Variants in ARB2A observed in about 807,000 individuals in gnomAD.
ARB2A encodes the protein ARB2 cotranscriptional regulator A, also known as cotranscriptional regulator ARB2A.
At chr5:94,019,744 C>G in the ARB2A span, among the ~76,000 whole-genome samples, 1 of 152,136 alleles carries the variant, frequency 6.6e-6, no homozygotes. Flanking sequence ...GGATCTAGAA[C>G]CAGAAATACC....
chr5:94,087,404 C>T, the ARB2A span, among the ~76,000 whole-genome samples: 2 of 151,428 alleles, frequency 1.3e-5, no homozygotes. Flanking sequence ...AATCCCATCT[C>T]TTAAAAAAAA....
the ARB2A span, chr5:93,621,205 G>A: frequency 7.2e-7 from 1 of 1,389,116 alleles, no homozygotes. Flanking sequence ...GGGCCAGGCC[G>A]AGCCCCGGCT....
chr5:93,780,854 TG>T, the ARB2A span, among the ~76,000 whole-genome samples: 30 of 152,274 alleles, frequency 2.0e-4, no homozygotes, highest in African/African-American at 7.2e-4. Context: ...CCACCACGCC[TG>T]GCCTGACCTT....
chr5:94,083,342 T>C, the ARB2A span, among the ~76,000 whole-genome samples: 1 of 152,176 alleles, frequency 6.6e-6, no homozygotes, highest in Non-Finnish European at 1.5e-5. Context: ...AATCCTCCTA[T>C]GTAGTAAACC....
At chr5:93,652,498 C>A in the ARB2A span, among the ~76,000 whole-genome samples, 1 of 152,136 alleles carries the variant, frequency 6.6e-6, no homozygotes, top group Admixed American at 6.5e-5. Context: ...ATTAGAGAAT[C>A]TTTAGGAAAT....
chr5:93,841,401 C>T, the ARB2A span, among the ~76,000 whole-genome samples: 7 of 151,946 alleles, frequency 4.6e-5, no homozygotes, highest in African/African-American at 7.2e-5. Flanking sequence ...TAAAGTAATC[C>T]AGAGATGATT....
At chr5:93,703,822 A>C in the ARB2A span, among the ~76,000 whole-genome samples, 1 of 152,116 alleles carries the variant, frequency 6.6e-6, no homozygotes, top group Non-Finnish European at 1.5e-5. Flanking sequence ...CAGTACCCTA[A>C]TATTCTCACA....
the ARB2A span, among the ~76,000 whole-genome samples, chr5:93,638,046 T>C: frequency 1.3e-5 from 2 of 152,214 alleles, no homozygotes; most frequent in African/African-American, 2.4e-5. Flanking sequence ...TCTCAAACAT[T>C]GTTGCTGGAA....
chr5:93,727,053 A>G, the ARB2A span, among the ~76,000 whole-genome samples: 6 of 152,010 alleles, frequency 3.9e-5, no homozygotes, highest in Non-Finnish European at 7.4e-5. Context: ...TCTCCTGATT[A>G]TGTTTTTCCT....
At chr5:94,041,318 A>T in the ARB2A span, among the ~76,000 whole-genome samples, 1 of 151,972 alleles carries the variant, frequency 6.6e-6, no homozygotes, top group Non-Finnish European at 1.5e-5. Flanking sequence ...ACTTTTCAAG[A>T]CGGCCCAGCA....
chr5:93,997,848 A>G, the ARB2A span, among the ~76,000 whole-genome samples: 1 of 151,972 alleles, frequency 6.6e-6, no homozygotes, highest in Non-Finnish European at 1.5e-5. Context: ...ATACTGCTAT[A>G]TTGACCCTCA....
At chr5:94,059,847 A>G in the ARB2A span, among the ~76,000 whole-genome samples, 7 of 152,068 alleles carry the variant, frequency 4.6e-5, no homozygotes, top group Non-Finnish European at 1.0e-4. Context: ...AAGCTGAAAT[A>G]ATTTATCACC....
the ARB2A span, among the ~76,000 whole-genome samples, chr5:93,979,234 A>T: frequency 6.6e-6 from 1 of 152,160 alleles, no homozygotes; most frequent in Non-Finnish European, 1.5e-5. Flanking sequence ...AGGAGATTTC[A>T]GCTTTGAGCA....
At chr5:93,740,925 T>C in the ARB2A span, 1 of 1,613,922 alleles carries the variant, frequency 6.2e-7, no homozygotes, top group South Asian at 1.1e-5. Context: ...TGCTTGCCCG[T>C]CTCCACTTCC....
the ARB2A span, among the ~76,000 whole-genome samples, chr5:93,888,094 C>A: frequency 6.6e-6 from 1 of 151,848 alleles, no homozygotes. Context: ...CATATTATCA[C>A]CCACTCCATT....
the ARB2A span, among the ~76,000 whole-genome samples, chr5:93,791,131 C>T: frequency 3.3e-5 from 5 of 152,166 alleles, no homozygotes; most frequent in Non-Finnish European, 7.3e-5. Context: ...CATCTCCACC[C>T]CTACTTCCCT....
At chr5:94,037,121 T>G in the ARB2A span, among the ~76,000 whole-genome samples, 5 of 152,188 alleles carry the variant, frequency 3.3e-5, no homozygotes, top group Admixed American at 6.5e-5. Context: ...TTGCATTCTG[T>G]TCAGTTGGTC....
the ARB2A span, among the ~76,000 whole-genome samples, chr5:93,918,430 C>CTTTTTTTTTTTTTTTTTTTTTTTTTTTT: frequency 9.3e-6 from 1 of 107,354 alleles, no homozygotes; most frequent in Non-Finnish European, 1.9e-5. Flanking sequence ...TTCCAAATTT[C>CTTTTTTTTTTTTTTTTTTTTTTTTTTTT]TTTTTTTTTT....
chr5:94,076,391 A>C, the ARB2A span, among the ~76,000 whole-genome samples: 1 of 152,296 alleles, frequency 6.6e-6, no homozygotes, highest in East Asian at 1.9e-4. Context: ...TACATGAATA[A>C]AATGTGTCTA....
Sources: allele counts gnomAD v4.1 joint callset (sites outside exome capture counted in the v4.1 genomes callset), GRCh38; gene constraint gnomAD v4.1.1; transcripts MANE v1.5; gene names NCBI Gene and HGNC (gene_info 2026-07-23, HGNC 2026-07-21).